Variants in DNM3 observed in about 807,000 individuals in gnomAD.
The protein encoded by DNM3 is dynamin 3, also known as dynamin-3.
Under a neutral mutation model 101.6 loss-of-function variants are expected in DNM3, and 47 were observed. The ratio of observed to expected loss-of-function variants is 0.46; its 90% CI spans 0.37 to 0.59. DNM3 has a LOEUF of 0.59. Ranked by LOEUF, DNM3 falls within the 20% of genes least tolerant of loss-of-function variation. The pLI, the probability that DNM3 is intolerant of heterozygous loss-of-function variation, is 0.00. For synonymous variants in DNM3, 385 were observed against 387.9 expected, an observed-to-expected ratio of 0.99 and a Z score of 0.09; for missense variants, 849 against 1,085.7, an observed-to-expected ratio of 0.78 and a Z score of 3.06.
chr1:172,265,373 T>G (rs1230596227), intron 15 of DNM3, among the ~76,000 whole-genome samples: 2 of 152,202 alleles, frequency 1.3e-5, no homozygotes. Context: ...AAGGATTTGT[T>G]GCTAGTTGCA....
At chr1:172,378,545 A>C (rs2068731473) in intron 17 of DNM3, among the ~76,000 whole-genome samples, 1 of 152,092 alleles carries the variant, frequency 6.6e-6, no homozygotes. Context: ...TTAGCTTTGA[A>C]TGTGGGAGGA....
intron 15 of DNM3, among the ~76,000 whole-genome samples, chr1:172,258,302 T>C (rs2062501422): frequency 6.6e-6 from 1 of 152,134 alleles, no homozygotes; most frequent in Admixed American, 6.6e-5. Context: ...GAATACCCAG[T>C]AACGAAGTAG....
At chr1:172,351,932 C>T (rs1471750157) in intron 17 of DNM3, among the ~76,000 whole-genome samples, 2 of 152,144 alleles carry the variant, frequency 1.3e-5, no homozygotes, top group Non-Finnish European at 2.9e-5. Flanking sequence ...AATTCCGATC[C>T]GTCAGCTTCC....
intron 14 of DNM3, among the ~76,000 whole-genome samples, chr1:172,197,534 C>G (rs887383412): frequency 6.6e-6 from 1 of 152,082 alleles, no homozygotes; most frequent in Non-Finnish European, 1.5e-5. Context: ...TTCTTCCTAT[C>G]CATGAGCATG....
intron 15 of DNM3, among the ~76,000 whole-genome samples, chr1:172,302,014 T>A (rs113442562): frequency 0.019 from 2,877 of 152,270 alleles, 71 homozygotes; most frequent in African/African-American, 0.058. Context: ...ACCTGGTTTA[T>A]CTCACTGCGA....
At chr1:172,231,113 G>A (rs1171362233) in intron 14 of DNM3, among the ~76,000 whole-genome samples, 2 of 149,446 alleles carry the variant, frequency 1.3e-5, no homozygotes, top group African/African-American at 4.9e-5. Flanking sequence ...TCCAAACTTG[G>A]ATATCCAACT....
chr1:172,090,276 C>G (rs527350972), intron 12 of DNM3, among the ~76,000 whole-genome samples: 13 of 152,178 alleles, frequency 8.5e-5, no homozygotes, highest in African/African-American at 3.1e-4. Flanking sequence ...CTCATGCATT[C>G]CTGGAAGAGC....
chr1:172,391,635 C>T (rs892397903), intron 20 of DNM3, among the ~76,000 whole-genome samples: 17 of 152,180 alleles, frequency 1.1e-4, no homozygotes, highest in Non-Finnish European at 1.9e-4. Flanking sequence ...TTTTCTCTAT[C>T]AAAAACTTAG....
chr1:172,173,336 A>G (rs1336453202), intron 14 of DNM3, among the ~76,000 whole-genome samples: 2 of 151,684 alleles, frequency 1.3e-5, no homozygotes, highest in Non-Finnish European at 1.5e-5. Flanking sequence ...GGCAGTGTCA[A>G]TAACTACATA....
intron 14 of DNM3, among the ~76,000 whole-genome samples, chr1:172,218,767 G>A (rs1313102890): frequency 2.6e-5 from 4 of 152,056 alleles, no homozygotes; most frequent in African/African-American, 9.7e-5. Flanking sequence ...AATAAGAAGA[G>A]TCAGTAACTG....
chr1:172,020,655 T>C (rs908232601), intron 4 of DNM3, among the ~76,000 whole-genome samples: 16 of 129,812 alleles, frequency 1.2e-4, no homozygotes, highest in Middle Eastern at 4.5e-3. Context: ...ACCCGGGAGG[T>C]GGAGCTTGCA....
At chr1:171,936,021 T>C (rs567275333) in intron 2 of DNM3, among the ~76,000 whole-genome samples, 37 of 152,064 alleles carry the variant, frequency 2.4e-4, no homozygotes, top group African/African-American at 8.7e-4. Context: ...GAAGGTGTTT[T>C]TTTTTTTTAA....
intron 13 of DNM3, among the ~76,000 whole-genome samples, chr1:172,103,434 T>C (rs756781061): frequency 2.6e-5 from 4 of 152,218 alleles, no homozygotes; most frequent in Non-Finnish European, 5.9e-5. Context: ...GATTTTTCCA[T>C]GTAAATTCGC....
chr1:172,238,979 T>C (rs1375244035), intron 14 of DNM3, among the ~76,000 whole-genome samples: 1 of 152,200 alleles, frequency 6.6e-6, no homozygotes, highest in Non-Finnish European at 1.5e-5. Context: ...AGAACTTGCC[T>C]TTTTCCCCAA....
At chr1:172,366,224 T>C (rs1296751107) in intron 17 of DNM3, among the ~76,000 whole-genome samples, 1 of 151,862 alleles carries the variant, frequency 6.6e-6, no homozygotes, top group East Asian at 1.9e-4. Context: ...AGGCCCTTTT[T>C]CTAAAAAAAG....
At chr1:172,366,890 A>G (rs1016362594) in intron 17 of DNM3, among the ~76,000 whole-genome samples, 2 of 151,892 alleles carry the variant, frequency 1.3e-5, no homozygotes, top group African/African-American at 4.8e-5. Context: ...ACCACTGAGC[A>G]AATATTCACA....
In DNM3 at chr1:171,867,653, G is replaced by T. The variant is rs562395092; in HGVS notation, c.161+25836G>T. On this transcript the variant is annotated intron_variant, in intron 1 of 20. Transcript: ENST00000627582. ...ACTTTTATTTAAATATCTCTTTGTG[G>T]AATAATGTTTTCATCATATTTATTA... Among the ~76,000 whole-genome samples the T allele has an allele frequency of 2.0e-5, 3 of 152,188 alleles. No individual in the cohort carries two copies. In the South Asian group the frequency reaches 6.2e-4, roughly 32 times the overall value.
At chr1:171,933,747 G>A (rs940170279) in intron 2 of DNM3, among the ~76,000 whole-genome samples, 1 of 152,170 alleles carries the variant, frequency 6.6e-6, no homozygotes, top group Non-Finnish European at 1.5e-5. Flanking sequence ...ATTAGCATCT[G>A]AAAGTGGGGG....
intron 4 of DNM3, among the ~76,000 whole-genome samples, chr1:171,993,288 G>A (rs78492639): frequency 0.034 from 5,189 of 151,946 alleles, 228 homozygotes; most frequent in African/African-American, 0.1. Flanking sequence ...ATGTCTGTCA[G>A]TAAGGGATTC....
Sources: allele counts gnomAD v4.1 joint callset (sites outside exome capture counted in the v4.1 genomes callset), GRCh38; gene constraint gnomAD v4.1.1; transcripts MANE v1.5; gene names NCBI Gene and HGNC (gene_info 2026-07-23, HGNC 2026-07-21).